WRN: variants seen among roughly 807,000 people sequenced by gnomAD.
WRN encodes the protein bifunctional 3'-5' exonuclease/ATP-dependent helicase WRN.
In WRN, 149 loss-of-function variants were observed where a neutral mutation model predicts 180.7. The observed-to-expected ratio is 0.82, with a 90% CI of 0.72 to 0.94. The LOEUF (loss-of-function observed/expected upper bound fraction) is 0.94. Ranked by LOEUF, WRN falls within the 40% of genes least tolerant of loss-of-function variation. The pLI is 0.00. For synonymous variants in WRN, 548 were observed against 568.9 expected, an observed-to-expected ratio of 0.96 and a Z score of 0.52; for missense variants, 1,661 against 1,700.1, an observed-to-expected ratio of 0.98 and a Z score of 0.40.
intron 3 of WRN, among the ~76,000 whole-genome samples, chr8:31,059,759 C>A (rs1176283808): frequency 1.3e-5 from 2 of 152,068 alleles, no homozygotes. Context: ...AAAAAATGTT[C>A]TAACTAAACA....
intron 26 of WRN, 76 bp from the exon 27 acceptor site, chr8:31,142,550 G>C (rs1802682858): frequency 8.7e-7 from 1 of 1,146,746 alleles, no homozygotes. Flanking sequence ...ATCTTTCTGA[G>C]AATGGAGTAT....
At chr8:31,157,239 A>G in intron 32 of WRN, 129 bp from the exon 33 acceptor site, 14 of 1,330,988 alleles carry the variant, frequency 1.1e-5, no homozygotes, top group Non-Finnish European at 1.4e-5. Flanking sequence ...TGAAAAACTT[A>G]AGTAAAGGTT....
chr8:31,151,665 G>A (rs1803133980), intron 31 of WRN, among the ~76,000 whole-genome samples: 1 of 152,194 alleles, frequency 6.6e-6, no homozygotes, highest in African/African-American at 2.4e-5. Flanking sequence ...TAATGAATGA[G>A]TGATCTCTCC....
At chr8:31,049,176 A>C in intron 1 of WRN, among the ~76,000 whole-genome samples, 1 of 123,074 alleles carries the variant, frequency 8.1e-6, no homozygotes, top group African/African-American at 3.1e-5. Context: ...ACGCCATTGC[A>C]CTCCAGCCTG....
At chr8:31,113,657 C>G (rs978645731) in intron 19 of WRN, among the ~76,000 whole-genome samples, 8 of 152,138 alleles carry the variant, frequency 5.3e-5, no homozygotes, top group African/African-American at 1.9e-4. Context: ...TAACACTCTC[C>G]TTTTTAAAGC....
At chr8:31,100,284 TTTC>T (rs1814172510) in intron 17 of WRN, among the ~76,000 whole-genome samples, 1 of 152,174 alleles carries the variant, frequency 6.6e-6, no homozygotes, top group Non-Finnish European at 1.5e-5. Context: ...ACAAATAACA[TTTC>T]TTCTTACTAC....
chr8:31,142,968 CAT>C (rs1802704085), intron 27 of WRN, among the ~76,000 whole-genome samples: 1 of 151,700 alleles, frequency 6.6e-6, no homozygotes, highest in South Asian at 2.1e-4. Context: ...AGAGTAGTCA[CAT>C]GTTATAATAC....
At chr8:31,110,104 T>C (rs192276658) in intron 18 of WRN, among the ~76,000 whole-genome samples, 7 of 54,952 alleles carry the variant, frequency 1.3e-4, no homozygotes, top group African/African-American at 4.5e-4. Flanking sequence ...ACTTAACCGG[T>C]GAAAGTGCTT....
rs1308927977 is a variant in WRN, at chr8:31,147,398, A to G, written c.3494A>G (p.Gln1165Arg). The stretch of plus-strand genomic sequence containing the variant: ...TATGGCAAATTGGTAGAAGCTAGGC[A>G]GAAACATGCCAATAAAATGGATGTT... Reference protein sequence around the residue: ...VLYGKLVEARQKHANKMDVPP... With the variant: ...VLYGKLVEARRKHANKMDVPP... Residue 1165 changes from glutamine to arginine, a missense_variant, in exon 30 of 35, where the codon CAG (glutamine) becomes CGG (arginine). Gln to Arg is a conservative substitution (Grantham distance 43, BLOSUM62 1). This residue lies in a region of WRN where 1,141 missense variants were observed against 1,149.4 expected (regional missense o/e 0.99). Transcript: ENST00000298139. The G allele has an allele frequency of 6.2e-7, 1 of 1,614,116 alleles. No individual in the cohort carries two copies. Among genetic ancestry groups the G allele is most frequent in the East Asian group, 2.2e-5 (1 of 44,848 alleles).
At chr8:31,057,115 T>G (rs1374388358) in intron 1 of WRN, among the ~76,000 whole-genome samples, 1 of 152,224 alleles carries the variant, frequency 6.6e-6, no homozygotes, top group Non-Finnish European at 1.5e-5. Flanking sequence ...TATTTTCAGT[T>G]TCTGATTCAT....
intron 1 of WRN, among the ~76,000 whole-genome samples, chr8:31,046,785 A>G (rs181126282): frequency 1.3e-4 from 20 of 152,310 alleles, no homozygotes; most frequent in Admixed American, 7.8e-4. Context: ...GACATCACCT[A>G]TTGGTACCTG....
At position 31,175,673 on chromosome 8, in the gene WRN, A is replaced by G. The variant is rs1183173924; in HGVS notation, c.*2571A>G. On this transcript the variant is annotated 3_prime_UTR_variant, in exon 35 of 35. Transcript: ENST00000298139. ...TAAAATACTCTTCTCTTTTCCAACT[A>G]CGTGCCTGTGCAAAGTCAGATTTTT... Among the ~76,000 whole-genome samples the G allele has an allele frequency of 1.3e-5, 2 of 152,158 alleles. No homozygotes were observed. The highest frequency in any genetic ancestry group is 2.9e-5 in the Non-Finnish European group (2 of 68,034).
In WRN at chr8:31,175,624, T is replaced by C. The variant is rs554791966; in HGVS notation, c.*2522T>C. Among the ~76,000 whole-genome samples the C allele has an allele frequency of 2.0e-5, 3 of 152,340 alleles. No individual in the cohort carries two copies. In the South Asian group the frequency reaches 6.2e-4, roughly 32 times the overall value. ...TTTGGTAAAATTTCAGAGAACAATG[T>C]CCACCATTATCTGAACAGGCTATTA... On this transcript the variant is annotated 3_prime_UTR_variant, in exon 35 of 35. Transcript: ENST00000298139.
At position 31,147,496 on chromosome 8, in the gene WRN, T is replaced by G; in HGVS notation, c.3572+20T>G. On this transcript the variant is annotated intron_variant, in intron 30 of 34. Coordinates refer to ENST00000298139, the MANE Select transcript of WRN (RefSeq NM_000553.6). Reference sequence around the variant, plus strand: ...AATGAGGTAAACTATCTTTTGCATGTGTTCTATTTATTTCCTTCTAACAAA... The same window carrying G: ...AATGAGGTAAACTATCTTTTGCATGGGTTCTATTTATTTCCTTCTAACAAA... 1 of 1,461,078 alleles carries G rather than the reference T, an allele frequency of 6.8e-7. No individual in the cohort carries two copies. The highest frequency in any genetic ancestry group is 2.2e-5 in the Admixed American group (1 of 44,872). The allele number at this position is 1,461,078 out of a possible 1,614,324, so 90.5% of individuals were successfully genotyped here.
chr8:31,165,819 A>G (rs1803834503), intron 33 of WRN, among the ~76,000 whole-genome samples: 1 of 152,178 alleles, frequency 6.6e-6, no homozygotes, highest in African/African-American at 2.4e-5. Flanking sequence ...CCATTAAAAA[A>G]TGATGAAATA....
chr8:31,141,515 T>A lies in WRN; in HGVS notation c.3053T>A (p.Phe1018Tyr). 1 of 1,614,176 alleles carries A rather than the reference T, an allele frequency of 6.2e-7. No homozygotes were observed. The highest frequency in any genetic ancestry group is 8.5e-7 in the Non-Finnish European group (1 of 1,180,038). ...KDQTESWWKAFSRQLITEGFL... is the reference protein window; with the variant it reads ...KDQTESWWKAYSRQLITEGFL... ...CAAACAGAGAGTTGGTGGAAGGCTT[T>A]TTCCCGTCAGCTGATCACTGAGGGA... The change falls in exon 25 of 35, where the codon TTT (phenylalanine) becomes TAT (tyrosine). Residue 1018 changes from phenylalanine (F) to tyrosine (Y), a missense_variant. Phe to Tyr is a conservative substitution (Grantham distance 22). Coordinates refer to ENST00000298139, the MANE Select transcript of WRN (RefSeq NM_000553.6).
intron 18 of WRN, among the ~76,000 whole-genome samples, chr8:31,109,615 TA>T (rs1801227901): frequency 6.6e-6 from 1 of 152,212 alleles, no homozygotes; most frequent in African/African-American, 2.4e-5. Flanking sequence ...TAACAATATT[TA>T]TGATAGTTGA....
Position 31,063,090 on chromosome 8 carries a change from T to C in WRN, c.210-1199T>C, listed in dbSNP as rs111584030. Among the ~76,000 whole-genome samples, 185 of 152,322 alleles carry C rather than the reference T, an allele frequency of 1.2e-3. 1 individual carries two copies. The highest frequency in any genetic ancestry group is 4.1e-3 in the African/African-American group (171 of 41,576). On this transcript the variant is annotated intron_variant, in intron 3 of 34. Transcript: ENST00000298139. ...TTCTAGTGATCCTCCTGCCTTGGTC[T>C]CTTACTTAAAGCACTGGGATTACAG...
intron 24 of WRN, among the ~76,000 whole-genome samples, chr8:31,135,578 G>A (rs1802367621): frequency 6.6e-6 from 1 of 152,154 alleles, no homozygotes; most frequent in African/African-American, 2.4e-5. Context: ...AAGTTCTGAA[G>A]AGAGAGAGTG....
Sources: allele counts gnomAD v4.1 joint callset (sites outside exome capture counted in the v4.1 genomes callset), GRCh38; gene constraint gnomAD v4.1.1; regional missense constraint gnomAD v4.1.1; transcripts MANE v1.5; gene names NCBI Gene and HGNC (gene_info 2026-07-23, HGNC 2026-07-21).